CHRNA7: variants seen among roughly 807,000 people sequenced by gnomAD.
CHRNA7 encodes the protein cholinergic receptor nicotinic alpha 7 subunit.
Under a neutral mutation model 48.0 loss-of-function variants are expected in CHRNA7, and 17 were observed. The observed-to-expected ratio is 0.35, with a 90% CI of 0.24 to 0.53. The LOEUF (loss-of-function observed/expected upper bound fraction) is 0.53, where lower values mean the gene tolerates loss of function less well. Ranked by LOEUF, CHRNA7 falls within the 20% of genes least tolerant of loss-of-function variation. The pLI, the probability that CHRNA7 is intolerant of heterozygous loss-of-function variation, is 0.92. For synonymous variants in CHRNA7, 75 were observed against 242.3 expected (o/e 0.31, Z 6.41); for missense variants, 155 against 577.7 (o/e 0.27, Z 7.50).
chr15:32,130,425 T>G (rs1166017850), intron 4 of CHRNA7, among the ~76,000 whole-genome samples: 1 of 151,694 alleles, frequency 6.6e-6, no homozygotes, highest in African/African-American at 2.4e-5. Context: ...TTATGTAAAT[T>G]TATATCTATC....
chr15:32,088,202 C>A (rs117713985), intron 2 of CHRNA7, among the ~76,000 whole-genome samples: 1 of 152,182 alleles, frequency 6.6e-6, no homozygotes, highest in South Asian at 2.1e-4. Flanking sequence ...GTAGCCTTTT[C>A]GGCCTGGCTT....
intron 2 of CHRNA7, among the ~76,000 whole-genome samples, chr15:32,048,763 G>A (rs1197144166): frequency 6.6e-6 from 1 of 151,792 alleles, no homozygotes; most frequent in Non-Finnish European, 1.5e-5. Flanking sequence ...TGTGCTGTTA[G>A]GGTGTCAATT....
At position 32,165,959 on chromosome 15, in the gene CHRNA7, T is replaced by TGCTCGCTCCCTGTGTGCACTGCTGCC. The variant is rs1202036235; in HGVS notation, c.991-1980_991-1955dup. 81 of 151,684 alleles carry TGCTCGCTCCCTGTGTGCACTGCTGCC rather than the reference T, an allele frequency of 5.3e-4. 1 individual carries two copies. The highest frequency in any genetic ancestry group is 1.9e-3 in the African/African-American group (77 of 41,182). The allele number at this position is 151,684 out of a possible 1,614,324, so 9.4% of individuals were successfully genotyped here. A position where few individuals can be genotyped will look rare whatever the true frequency, so the allele number is the denominator to read the frequency against. On this transcript the variant is annotated intron_variant, in intron 9 of 9. Coordinates refer to ENST00000306901, the MANE Select transcript of CHRNA7 (RefSeq NM_000746.6). The stretch of plus-strand genomic sequence containing the variant: ...CCATGGAGGGAGAAGTGCCTGGTGC[T>TGCTCGCTCCCTGTGTGCACTGCTGCC]GCTCGCTCCCTGTGTGCACTGCTGC...
chr15:32,145,699 A>G (rs943238863), intron 4 of CHRNA7, among the ~76,000 whole-genome samples: 1 of 152,196 alleles, frequency 6.6e-6, no homozygotes, highest in African/African-American at 2.4e-5. Context: ...GCAGTGAGCA[A>G]GGCTCCGTGG....
intron 4 of CHRNA7, among the ~76,000 whole-genome samples, chr15:32,119,442 G>A (rs149232595): frequency 3.3e-5 from 5 of 152,276 alleles, no homozygotes; most frequent in African/African-American, 9.6e-5. Context: ...TCTGTCCTAG[G>A]AGCAAATTCA....
intron 4 of CHRNA7, among the ~76,000 whole-genome samples, chr15:32,133,682 T>C (rs1381770477): frequency 2.0e-5 from 3 of 152,200 alleles, no homozygotes; most frequent in Non-Finnish European, 4.4e-5. Context: ...GAGTCTTCCA[T>C]GGGAATTCAC....
At chr15:32,067,673 C>T (rs2049988381) in intron 2 of CHRNA7, among the ~76,000 whole-genome samples, 1 of 152,142 alleles carries the variant, frequency 6.6e-6, no homozygotes, top group South Asian at 2.1e-4. Flanking sequence ...TGAGATGCAA[C>T]TGCATAAAGC....
At chr15:32,081,740 A>G (rs1013338858) in intron 2 of CHRNA7, among the ~76,000 whole-genome samples, 1 of 152,196 alleles carries the variant, frequency 6.6e-6, no homozygotes, top group African/African-American at 2.4e-5. Context: ...TTCAACCAAC[A>G]AACATAACTT....
intron 2 of CHRNA7, among the ~76,000 whole-genome samples, chr15:32,050,458 T>A (rs1482960611): frequency 6.6e-6 from 1 of 152,266 alleles, no homozygotes; most frequent in East Asian, 1.9e-4. Flanking sequence ...GGCTTCTGCA[T>A]TCTTCATGTA....
chr15:32,145,761 C>T (rs974557025), intron 4 of CHRNA7, among the ~76,000 whole-genome samples: 47 of 152,192 alleles, frequency 3.1e-4, no homozygotes, highest in African/African-American at 9.9e-4. Context: ...GTCTGCTGAT[C>T]GCTAAGACCG....
At chr15:32,121,805 G>A (rs1292086112) in intron 4 of CHRNA7, among the ~76,000 whole-genome samples, 1 of 152,188 alleles carries the variant, frequency 6.6e-6, no homozygotes, top group Non-Finnish European at 1.5e-5. Flanking sequence ...TTAGCGGGGA[G>A]GGGGAGAGAT....
At chr15:32,114,019 AATATATATATATATATATAT>A (rs57220454) in intron 4 of CHRNA7, among the ~76,000 whole-genome samples, 2 of 109,164 alleles carry the variant, frequency 1.8e-5, no homozygotes, top group South Asian at 3.1e-4. Context: ...GCTATCTCCA[AATATATATATATATATATAT>A]ATATGTATAT....
At chr15:32,126,510 C>A (rs995317102) in intron 4 of CHRNA7, among the ~76,000 whole-genome samples, 1 of 152,180 alleles carries the variant, frequency 6.6e-6, no homozygotes, top group South Asian at 2.1e-4. Context: ...TGGGTAGCCA[C>A]GACACAGTCA....
intron 2 of CHRNA7, among the ~76,000 whole-genome samples, chr15:32,085,412 C>G (rs1181925917): frequency 6.6e-6 from 1 of 152,182 alleles, no homozygotes; most frequent in Non-Finnish European, 1.5e-5. Context: ...TACAAAGAAA[C>G]TTAGCACCAT....
intron 2 of CHRNA7, among the ~76,000 whole-genome samples, chr15:32,040,287 AT>A (rs2049424326): frequency 6.6e-6 from 1 of 151,696 alleles, no homozygotes; most frequent in Admixed American, 6.6e-5. Flanking sequence ...TTTGTTACTG[AT>A]TTTTTTGTTG....
chr15:32,060,122 A>G (rs561497245), intron 2 of CHRNA7, among the ~76,000 whole-genome samples: 1 of 152,318 alleles, frequency 6.6e-6, no homozygotes, highest in Admixed American at 6.5e-5. Context: ...GTTAGAGTCC[A>G]GAAAATTTGG....
intron 2 of CHRNA7, among the ~76,000 whole-genome samples, chr15:32,037,444 T>C (rs1902146820): frequency 6.6e-6 from 1 of 152,200 alleles, no homozygotes; most frequent in Non-Finnish European, 1.5e-5. Flanking sequence ...TTATAATTGC[T>C]TTATCGATAC....
intron 4 of CHRNA7, among the ~76,000 whole-genome samples, chr15:32,123,791 A>T (rs1350393045): frequency 6.6e-6 from 1 of 152,002 alleles, no homozygotes; most frequent in Non-Finnish European, 1.5e-5. Flanking sequence ...TCTCACCTTT[A>T]GCTGTTTGAA....
chr15:32,109,944 T>A (rs983806166), intron 3 of CHRNA7, among the ~76,000 whole-genome samples: 1 of 152,148 alleles, frequency 6.6e-6, no homozygotes, highest in Non-Finnish European at 1.5e-5. Context: ...GCACTCCCAT[T>A]CCCATTCCCA....
Sources: gnomAD v4.1 joint callset for allele counts (sites outside exome capture counted in the v4.1 genomes callset) on GRCh38, gnomAD v4.1.1 for gene constraint, MANE v1.5 for transcripts, NCBI Gene and HGNC (gene_info 2026-07-23, HGNC 2026-07-21) for gene names.